MAGI1: variants seen among roughly 807,000 people sequenced by gnomAD.
MAGI1 encodes membrane associated guanylate kinase, WW and PDZ domain containing 1.
Under a neutral mutation model 139.9 loss-of-function variants are expected in MAGI1, and 58 were observed. The observed-to-expected ratio is 0.41, with a 90% CI of 0.34 to 0.52. The LOEUF is 0.52. Ranked by LOEUF, MAGI1 falls within the 20% of genes least tolerant of loss-of-function variation. MAGI1 has a pLI of 0.12. For missense variants in MAGI1, 1,874 were observed against 1,901.6 expected (o/e 0.99, Z 0.27); for synonymous variants, 812 against 737.9 (o/e 1.10, Z -1.63).
intron 2 of MAGI1, among the ~76,000 whole-genome samples, chr3:65,575,082 T>C (rs1413561066): frequency 6.6e-6 from 1 of 151,936 alleles, no homozygotes; most frequent in African/African-American, 2.4e-5. Context: ...TAGTTAAAAA[T>C]CTCTGTTCCC....
At chr3:65,433,716 G>A (rs1947628344) in intron 10 of MAGI1, among the ~76,000 whole-genome samples, 1 of 152,026 alleles carries the variant, frequency 6.6e-6, no homozygotes, top group South Asian at 2.1e-4. Context: ...TAGACTCACT[G>A]ATCAGGATGT....
chr3:65,610,960 T>C (rs1322884002), intron 2 of MAGI1, among the ~76,000 whole-genome samples: 2 of 133,560 alleles, frequency 1.5e-5, no homozygotes, highest in East Asian at 4.2e-4. Flanking sequence ...ATATACTATA[T>C]AGTATATAGA....
At chr3:65,990,746 G>C (rs1220756799) in intron 1 of MAGI1, among the ~76,000 whole-genome samples, 3 of 152,268 alleles carry the variant, frequency 2.0e-5, no homozygotes, top group South Asian at 2.1e-4. Context: ...TATATATACA[G>C]ATACAGAAAT....
chr3:65,386,992 G>T, intron 14 of MAGI1: 1 of 632,764 alleles, frequency 1.6e-6, no homozygotes, highest in Admixed American at 3.1e-5. Flanking sequence ...TTTGGTTTGC[G>T]TTTGGTCAAC....
intron 1 of MAGI1, among the ~76,000 whole-genome samples, chr3:65,643,328 A>G (rs1037831027): frequency 1.7e-4 from 26 of 152,318 alleles, no homozygotes; most frequent in Non-Finnish European, 2.2e-4. Context: ...TGCCAACTCA[A>G]CAGCTCTTGT....
At chr3:65,560,661 AG>A (rs1216424017) in intron 2 of MAGI1, among the ~76,000 whole-genome samples, 1 of 152,224 alleles carries the variant, frequency 6.6e-6, no homozygotes, top group Non-Finnish European at 1.5e-5. Flanking sequence ...GACATAGGAA[AG>A]AAACAGCTCT....
At chr3:65,872,522 A>G (rs1362089222) in intron 1 of MAGI1, among the ~76,000 whole-genome samples, 4 of 152,134 alleles carry the variant, frequency 2.6e-5, no homozygotes, top group African/African-American at 9.7e-5. Flanking sequence ...TGAGATTAAA[A>G]CAGAAGAGGA....
At chr3:65,620,396 A>C (rs962911457) in intron 2 of MAGI1, among the ~76,000 whole-genome samples, 1 of 152,056 alleles carries the variant, frequency 6.6e-6, no homozygotes, top group African/African-American at 2.4e-5. Flanking sequence ...GGTGTTAAAG[A>C]CCCCCAACTT....
chr3:65,637,908 C>T lies in MAGI1; in HGVS notation c.314-15820G>A, dbSNP rs1180199652. ...TTTATTGTCTGTCATCCCCACCCCC[C>T]AAACCATGAGAGTTTCCTATGAAGA... On this transcript the variant is annotated intron_variant, in intron 1 of 22. Coordinates refer to ENST00000402939, the MANE Select transcript of MAGI1 (RefSeq NM_001033057.2). Among the ~76,000 whole-genome samples the T allele has an allele frequency of 2.0e-5, 3 of 152,286 alleles. No individual in the cohort carries two copies. In the East Asian group the frequency reaches 5.8e-4, roughly 29 times the overall value.
At chr3:65,368,693 C>A (rs776954169) in intron 18 of MAGI1, among the ~76,000 whole-genome samples, 11 of 152,270 alleles carry the variant, frequency 7.2e-5, no homozygotes, top group Non-Finnish European at 1.5e-4. Flanking sequence ...AAATTTGAAT[C>A]CCATAAATAT....
Position 65,387,207 on chromosome 3 carries a change from C to A in MAGI1, c.2417-3584G>T, listed in dbSNP as rs770992534. On this transcript the variant is annotated intron_variant, in intron 14 of 22. Coordinates refer to ENST00000402939, the MANE Select transcript of MAGI1 (RefSeq NM_001033057.2). Reference sequence around the variant, plus strand: ...CTCTCTCACCCTTGCTCAATCCCGACGCAGGTGAAGGTGACATAGCTGGAA... The same window carrying A: ...CTCTCTCACCCTTGCTCAATCCCGAAGCAGGTGAAGGTGACATAGCTGGAA... 1.9e-5 allele frequency: 31 copies of A among 1,613,918 alleles called. No individual in the cohort carries two copies. The Middle Eastern group carries it at 6.6e-4, about 34-fold the overall frequency.
At chr3:65,379,155 A>G (rs747229463) in intron 17 of MAGI1, 106 bp downstream of exon 17, 1 of 1,575,466 alleles carries the variant, frequency 6.3e-7, no homozygotes, top group South Asian at 1.2e-5. Context: ...GCAAGAAGCT[A>G]TAAAGCATTT....
chr3:65,499,680 G>A (rs2077008472), intron 2 of MAGI1, among the ~76,000 whole-genome samples: 1 of 152,042 alleles, frequency 6.6e-6, no homozygotes, highest in Admixed American at 6.5e-5. Context: ...TGCCTTTAAT[G>A]TGCACTGAAG....
At chr3:65,694,101 A>T (rs193191803) in intron 1 of MAGI1, among the ~76,000 whole-genome samples, 121 of 152,350 alleles carry the variant, frequency 7.9e-4, no homozygotes, top group African/African-American at 2.8e-3. Flanking sequence ...GAAAATCAAT[A>T]AAGATGAAAA....
intron 1 of MAGI1, among the ~76,000 whole-genome samples, chr3:65,881,386 G>C (rs559095795): frequency 4.6e-5 from 7 of 152,224 alleles, no homozygotes; most frequent in Middle Eastern, 3.4e-3. Flanking sequence ...CAGCACTTTG[G>C]GGGGCCAAGG....
intron 1 of MAGI1, among the ~76,000 whole-genome samples, chr3:65,839,921 G>A (rs1046399811): frequency 1.3e-5 from 2 of 152,146 alleles, no homozygotes; most frequent in African/African-American, 4.8e-5. Context: ...CATTCATTTA[G>A]GTCTCATTTA....
chr3:65,657,617 T>A (rs1044015641), intron 1 of MAGI1, among the ~76,000 whole-genome samples: 1 of 152,238 alleles, frequency 6.6e-6, no homozygotes, highest in South Asian at 2.1e-4. Context: ...GTAAGTTGAA[T>A]CCCTAGCAAC....
At chr3:65,466,749 T>C (rs1646524673) in intron 5 of MAGI1, among the ~76,000 whole-genome samples, 1 of 152,180 alleles carries the variant, frequency 6.6e-6, no homozygotes, top group African/African-American at 2.4e-5. Flanking sequence ...CCACTAAATC[T>C]ATGTGGAAAT....
chr3:65,677,458 A>C (rs17434189), intron 1 of MAGI1, among the ~76,000 whole-genome samples: 20,462 of 152,146 alleles, frequency 0.13, 1,698 homozygotes, highest in Non-Finnish European at 0.18. Flanking sequence ...CAAGGTTTGG[A>C]TCTCAGTGAC....
Sources: gnomAD v4.1 joint callset for allele counts (sites outside exome capture counted in the v4.1 genomes callset) on GRCh38, gnomAD v4.1.1 for gene constraint, MANE v1.5 for transcripts, NCBI Gene and HGNC (gene_info 2026-07-23, HGNC 2026-07-21) for gene names.